Variants in NCF2 observed in about 807,000 individuals in gnomAD.
NCF2 encodes the protein neutrophil cytosol factor 2.
Under a neutral mutation model 70.9 loss-of-function variants are expected in NCF2, and 45 were observed. That is an observed-to-expected ratio of 0.63 (90% CI 0.50 to 0.81). NCF2 has a LOEUF of 0.81. Among genes scored for constraint, NCF2 ranks in the 40% least tolerant of loss-of-function variants. The pLI is 0.00. For synonymous variants in NCF2, 203 were observed against 233.6 expected, an observed-to-expected ratio of 0.87 and a Z score of 1.19; for missense variants, 522 against 631.6, an observed-to-expected ratio of 0.83 and a Z score of 1.86.
chr1:183,600,344 A>G, the NCF2 span, among the ~76,000 whole-genome samples: 1 of 152,212 alleles, frequency 6.6e-6, no homozygotes, highest in Non-Finnish European at 1.5e-5. Context: ...GGCTGCATTA[A>G]CAGAAGTGCA....
intron 2 of NCF2, among the ~76,000 whole-genome samples, chr1:183,578,471 C>T (rs1430404926): frequency 2.0e-5 from 3 of 152,028 alleles, no homozygotes; most frequent in Admixed American, 1.3e-4. Flanking sequence ...GATTCTCCTG[C>T]CTCAGCCACC....
rs1345582401 is a variant in NCF2 at position 183,560,285 on chromosome 1, A to C, written c.1291-12T>G. ...AAGCCTTGGTCACCCTGAAATAATA[A>C]AGGGCCTGTTAATTTTCCCAATTTC... On this transcript the variant is annotated splice_polypyrimidine_tract_variant and intron_variant, in intron 13 of 14. Coordinates refer to ENST00000367535, the MANE Select transcript of NCF2 (RefSeq NM_000433.4). 6.2e-7 allele frequency: 1 copy of C among 1,614,026 alleles called. No individual in the cohort carries two copies. Among genetic ancestry groups the C allele is most frequent in the East Asian group, 2.2e-5 (1 of 44,896 alleles).
chr1:183,580,693 G>T (rs1454289111), intron 2 of NCF2, among the ~76,000 whole-genome samples: 5 of 152,232 alleles, frequency 3.3e-5, no homozygotes, highest in Non-Finnish European at 7.4e-5. Flanking sequence ...GATGTCTACA[G>T]AGGCCCGGTG....
At chr1:183,578,693 C>T (rs148855262) in intron 2 of NCF2, among the ~76,000 whole-genome samples, 216 of 152,288 alleles carry the variant, frequency 1.4e-3, no homozygotes, top group South Asian at 3.5e-3. Context: ...ATGCTGCTCC[C>T]ACTGCCTTGT....
intron 14 of NCF2, among the ~76,000 whole-genome samples, chr1:183,559,111 G>C (rs1381524355): frequency 6.6e-6 from 1 of 152,206 alleles, no homozygotes; most frequent in East Asian, 1.9e-4. Context: ...ATGCAAGTTG[G>C]TGGGCCCCAC....
At chr1:183,599,442 C>CTTTCTTTCTTTCTT in the NCF2 span, among the ~76,000 whole-genome samples, 2 of 96,528 alleles carry the variant, frequency 2.1e-5, no homozygotes, top group African/African-American at 7.6e-5. Context: ...TTCTTTCTTT[C>CTTTCTTTCTTTCTT]TTTCTTTCTT....
chr1:183,590,578 G>C, upstream of NCF2: 1 of 543,398 alleles, frequency 1.8e-6, no homozygotes, highest in Non-Finnish European at 3.3e-6. Flanking sequence ...GAAGCAGAGA[G>C]AGAGAGGGCG....
intron 11 of NCF2, 138 bp from the exon 12 acceptor site, chr1:183,563,723 A>G (rs1217552365): frequency 1.1e-5 from 12 of 1,136,086 alleles, no homozygotes; most frequent in African/African-American, 1.5e-5. Context: ...CTGGTTTCAC[A>G]GTAGCCTAAA....
chr1:183,578,104 A>C (rs1415226737), intron 2 of NCF2, among the ~76,000 whole-genome samples: 1 of 152,056 alleles, frequency 6.6e-6, no homozygotes. Context: ...TTCAGAGCTG[A>C]TTTGGAATAC....
chr1:183,581,868 C>T (rs1673124191), intron 2 of NCF2, among the ~76,000 whole-genome samples: 2 of 152,134 alleles, frequency 1.3e-5, no homozygotes, highest in South Asian at 4.1e-4. Context: ...AGGGTTTCAC[C>T]GTGTTAGCCA....
In NCF2 at chr1:183,578,141, G is replaced by A. The variant is rs35825609; in HGVS notation, c.258-434C>T. On this transcript the variant is annotated intron_variant, in intron 2 of 14. Transcript: ENST00000367535. ...GCTCACTCCTGGCTCCCACCATCAG[G>A]CCAGGCCAGCCTGGCACAGCTTGGA... 5.9e-3 allele frequency among the ~76,000 whole-genome samples: 898 copies of A among 152,238 alleles called. 4 individuals carry two copies. The highest frequency in any genetic ancestry group is 7.4e-3 in the Non-Finnish European group (503 of 67,998).
intron 2 of NCF2, among the ~76,000 whole-genome samples, chr1:183,583,125 T>C (rs1313529588): frequency 6.6e-6 from 1 of 152,178 alleles, no homozygotes; most frequent in Non-Finnish European, 1.5e-5. Flanking sequence ...TTATCTCGGT[T>C]CACTGCAACA....
rs1289284447 is a variant in NCF2 at position 183,556,077 on chromosome 1, T to C, written c.*41A>G. On this transcript the variant is annotated 3_prime_UTR_variant, in exon 15 of 15. Transcript: ENST00000367535. ...GGTGCTAAATCTTACAAACAAGTAA[T>C]AGGGCTTCATTTTCTTCAGCTTTGT... 22 of 1,520,388 alleles carry C rather than the reference T, an allele frequency of 1.4e-5. No individual in the cohort carries two copies. The highest frequency in any genetic ancestry group is 1.7e-5 in the Admixed American group (1 of 59,826). 94.2% of individuals were successfully genotyped at this position (1,520,388 alleles called of 1,614,324 possible). A position where few individuals can be genotyped will look rare whatever the true frequency, so the allele number is the denominator to read the frequency against.
intron 13 of NCF2, among the ~76,000 whole-genome samples, chr1:183,561,831 T>A: frequency 7.9e-6 from 1 of 126,370 alleles, no homozygotes; most frequent in Admixed American, 9.6e-5. Context: ...GCAGAATCTC[T>A]CTGTCACCCA....
chr1:183,579,434 G>A (rs1440286181), intron 2 of NCF2, among the ~76,000 whole-genome samples: 1 of 152,018 alleles, frequency 6.6e-6, no homozygotes, highest in East Asian at 1.9e-4. Context: ...TTTAGAATAA[G>A]AGAATAATAA....
chr1:183,580,118 T>C (rs1327869033), intron 2 of NCF2, among the ~76,000 whole-genome samples: 1 of 152,072 alleles, frequency 6.6e-6, no homozygotes, highest in Non-Finnish European at 1.5e-5. Flanking sequence ...CCATCACCAT[T>C]AGGGTTGAGG....
intron 6 of NCF2, 39 bp downstream of exon 6, chr1:183,570,741 C>T (rs1672505807): frequency 1.2e-6 from 2 of 1,603,524 alleles, no homozygotes; most frequent in South Asian, 2.2e-5. Context: ...AGAAAGCTCT[C>T]GAGACCTAGG....
chr1:183,593,685 T>C (rs1482826188), upstream of NCF2, among the ~76,000 whole-genome samples: 8 of 152,234 alleles, frequency 5.3e-5, no homozygotes, highest in East Asian at 1.5e-3. Flanking sequence ...CATGTATTTG[T>C]TACAGTTTGT....
chr1:183,570,314 G>A (rs3843293), intron 6 of NCF2, among the ~76,000 whole-genome samples: 10 of 152,054 alleles, frequency 6.6e-5, no homozygotes, highest in Admixed American at 4.6e-4. Context: ...CTCTCAGTGC[G>A]CTGCCTGTGT....
Sources: allele counts gnomAD v4.1 joint callset (sites outside exome capture counted in the v4.1 genomes callset), GRCh38; gene constraint gnomAD v4.1.1; transcripts MANE v1.5; gene names NCBI Gene and HGNC (gene_info 2026-07-23, HGNC 2026-07-21).